MYO3B: variants seen among roughly 807,000 people sequenced by gnomAD.
MYO3B encodes myosin IIIB, also known as myosin-IIIb.
A neutral mutation model predicts 174.6 loss-of-function variants in MYO3B; 156 were observed. The ratio of observed to expected loss-of-function variants is 0.89; its 90% CI spans 0.78 to 1.02. MYO3B has a LOEUF of 1.02. Ranked by LOEUF, MYO3B falls within the 50% of genes least tolerant of loss-of-function variation. MYO3B has a pLI of 0.00. For synonymous variants in MYO3B, 563 were observed against 569.1 expected, an observed-to-expected ratio of 0.99 and a Z score of 0.15; for missense variants, 1,632 against 1,639.4, an observed-to-expected ratio of 1.00 and a Z score of 0.08.
At chr2:170,434,015 G>A (rs1375050146) in intron 22 of MYO3B, among the ~76,000 whole-genome samples, 1 of 152,178 alleles carries the variant, frequency 6.6e-6, no homozygotes, top group Non-Finnish European at 1.5e-5. Flanking sequence ...AAAAACTGCA[G>A]AACAAAATTT....
chr2:170,260,177 GA>G (rs1160864985), intron 7 of MYO3B, among the ~76,000 whole-genome samples: 2 of 152,168 alleles, frequency 1.3e-5, no homozygotes, highest in Non-Finnish European at 2.9e-5. Flanking sequence ...AGAACTAAAA[GA>G]AGAACGACCA....
intron 30 of MYO3B, among the ~76,000 whole-genome samples, chr2:170,533,917 A>C (rs2106179595): frequency 6.6e-6 from 1 of 152,320 alleles, no homozygotes; most frequent in East Asian, 1.9e-4. Flanking sequence ...GGGAGAGGTG[A>C]TTTGCCCAAG....
intron 23 of MYO3B, among the ~76,000 whole-genome samples, chr2:170,445,610 G>T (rs773354359): frequency 9.2e-5 from 14 of 151,744 alleles, no homozygotes; most frequent in Non-Finnish European, 1.3e-4. Context: ...CCAAGTGCTG[G>T]ATTACAGGCG....
chr2:170,420,685 A>G (rs2094608923), intron 22 of MYO3B, among the ~76,000 whole-genome samples: 1 of 152,164 alleles, frequency 6.6e-6, no homozygotes, highest in Non-Finnish European at 1.5e-5. Flanking sequence ...AGCCAGCTGC[A>G]CAGTCCTGTC....
intron 32 of MYO3B, among the ~76,000 whole-genome samples, chr2:170,627,321 C>T (rs544340532): frequency 4.7e-4 from 71 of 152,168 alleles, no homozygotes; most frequent in African/African-American, 1.7e-3. Flanking sequence ...TCATTGATAC[C>T]CTTTCTTCCA....
At chr2:170,648,799 A>ATATATAT (rs1156884334) in intron 32 of MYO3B, among the ~76,000 whole-genome samples, 1 of 117,592 alleles carries the variant, frequency 8.5e-6, no homozygotes, top group Non-Finnish European at 1.6e-5. Flanking sequence ...AATCTATATA[A>ATATATAT]TACATATTAT....
chr2:170,217,263 G>T, intron 5 of MYO3B, 56 bp from the exon 6 acceptor site: 2 of 1,494,748 alleles, frequency 1.3e-6, no homozygotes, highest in Non-Finnish European at 1.9e-6. Flanking sequence ...TCTGCCGATT[G>T]CTGGTCTAGC....
chr2:170,375,355 C>T (rs1388134141), intron 9 of MYO3B, among the ~76,000 whole-genome samples: 5 of 152,122 alleles, frequency 3.3e-5, no homozygotes, highest in African/African-American at 4.8e-5. Context: ...GTCTCTGCCA[C>T]GACCATGAAC....
At chr2:170,296,221 T>C (rs1415594415) in intron 7 of MYO3B, among the ~76,000 whole-genome samples, 1 of 152,180 alleles carries the variant, frequency 6.6e-6, no homozygotes, top group East Asian at 1.9e-4. Context: ...GATCATGCGC[T>C]GAGAGAGCTG....
At chr2:170,273,914 C>T (rs1424465561) in intron 7 of MYO3B, among the ~76,000 whole-genome samples, 1 of 152,118 alleles carries the variant, frequency 6.6e-6, no homozygotes, top group Non-Finnish European at 1.5e-5. Flanking sequence ...GGGGGGGCAC[C>T]TGGGGAAGCC....
intron 32 of MYO3B, among the ~76,000 whole-genome samples, chr2:170,615,683 C>T (rs907239415): frequency 6.6e-6 from 1 of 152,178 alleles, no homozygotes. Context: ...GGTCAGCAGC[C>T]CACAATGCAA....
At position 170,382,106 on chromosome 2, in the gene MYO3B, G is replaced by A. The variant is rs767108974; in HGVS notation, c.1062G>A (p.Leu354=). The change falls in exon 10 of 35, where the codon CTG becomes CTA. Residue 354 remains leucine, a synonymous_variant. Transcript: ENST00000408978. ...ATGATTTGGTCAACCTAGAGGTTCT[G>A]GATGAGGTACTAAATATTTAGTAGA... The part of the protein sequence containing the change: ...LEDDLVNLEV[L]DEDTIIHQLQ... The A allele has an allele frequency of 6.2e-7, 1 of 1,612,030 alleles. No homozygotes were observed. The highest frequency in any genetic ancestry group is 8.5e-7 in the Non-Finnish European group (1 of 1,178,474).
Position 170,497,947 on chromosome 2 carries a change from GA to G in MYO3B, c.3015-621del, listed in dbSNP as rs55963352. On this transcript the variant is annotated intron_variant, in intron 25 of 34. Coordinates refer to ENST00000408978, the MANE Select transcript of MYO3B (RefSeq NM_138995.5). Reference sequence around the variant, plus strand: ...GCAACAAGAGTGAAATTCTGCCTCAGAAAAAAAAAAAAAAAAAAAAAAAAGA... The same window carrying G: ...GCAACAAGAGTGAAATTCTGCCTCAGAAAAAAAAAAAAAAAAAAAAAAAGA... Among the ~76,000 whole-genome samples, 153 of 87,840 alleles carry G rather than the reference GA, an allele frequency of 1.7e-3. 1 individual carries two copies. Among genetic ancestry groups the G allele is most frequent in the African/African-American group, 5.4e-3 (142 of 26,466 alleles). The allele number at this position is 87,840 out of a possible 152,430, so 57.6% of individuals were successfully genotyped here. A position where few individuals can be genotyped will look rare whatever the true frequency, so the allele number is the denominator to read the frequency against.
chr2:170,197,435 G>A (rs1197484209), intron 1 of MYO3B, among the ~76,000 whole-genome samples: 1 of 152,126 alleles, frequency 6.6e-6, no homozygotes, highest in Non-Finnish European at 1.5e-5. Context: ...TCACACTCTG[G>A]GAGAAGAGAG....
At chr2:170,369,093 A>T in intron 8 of MYO3B, 129 bp from the exon 9 acceptor site, 2 of 642,992 alleles carry the variant, frequency 3.1e-6, no homozygotes, top group Non-Finnish European at 5.0e-6. Context: ...TTAAAGAGAG[A>T]GCTGTGTATC....
Position 170,499,639 on chromosome 2 carries a change from G to A in MYO3B, c.3127-7G>A, listed in dbSNP as rs369633929. ...TATGTAATGCTAAAACTACTGTCTC[G>A]TTTCAGGTTTTTCTCAAATATTACC... On this transcript the variant is annotated splice_polypyrimidine_tract_variant and splice_region_variant and intron_variant, in intron 26 of 34. Transcript: ENST00000408978. The A allele has an allele frequency of 2.2e-5, 35 of 1,613,574 alleles. No individual in the cohort carries two copies. The highest frequency in any genetic ancestry group is 1.7e-4 in the Middle Eastern group (1 of 6,060).
chr2:170,297,993 A>T (rs2093639436), intron 7 of MYO3B, among the ~76,000 whole-genome samples: 1 of 152,226 alleles, frequency 6.6e-6, no homozygotes, highest in South Asian at 2.1e-4. Context: ...ATCATATTCT[A>T]GAAATACTAT....
At chr2:170,323,550 G>A (rs2093844208) in intron 7 of MYO3B, among the ~76,000 whole-genome samples, 1 of 152,164 alleles carries the variant, frequency 6.6e-6, no homozygotes, top group Non-Finnish European at 1.5e-5. Flanking sequence ...CCCAAATGCA[G>A]AAACAAGATG....
intron 32 of MYO3B, among the ~76,000 whole-genome samples, chr2:170,588,666 AAT>A (rs1260667056): frequency 9.2e-5 from 14 of 152,168 alleles, no homozygotes; most frequent in Non-Finnish European, 1.8e-4. Flanking sequence ...TCTCCTTCCA[AAT>A]ATCACCCCTG....
Sources: allele counts gnomAD v4.1 joint callset (sites outside exome capture counted in the v4.1 genomes callset), GRCh38; gene constraint gnomAD v4.1.1; transcripts MANE v1.5; gene names NCBI Gene and HGNC (gene_info 2026-07-23, HGNC 2026-07-21).